The following TUB variants were observed in gnomAD, a reference collection of about 807,000 sequenced individuals.
TUB encodes tubby protein homolog.
A neutral mutation model predicts 59.7 loss-of-function variants in TUB; 33 were observed. The observed-to-expected ratio is 0.55, with a 90% CI of 0.42 to 0.74. The LOEUF is 0.74. Among genes scored for constraint, TUB ranks in the 30% least tolerant of loss-of-function variants. The pLI, the probability that TUB is intolerant of heterozygous loss-of-function variation, is 0.00. For synonymous variants in TUB, 293 were observed against 256.4 expected, an observed-to-expected ratio of 1.14 and a Z score of -1.36; for missense variants, 659 against 672.0, an observed-to-expected ratio of 0.98 and a Z score of 0.21.
chr11:8,099,969 A>AGCTGGAGAGCC (rs1463290960), intron 9 of TUB, among the ~76,000 whole-genome samples: 3 of 152,218 alleles, frequency 2.0e-5, no homozygotes, highest in Non-Finnish European at 4.4e-5. Flanking sequence ...ACTTGGAGTG[A>AGCTGGAGAGCC]GCTGGAGAGC....
chr11:8,058,537 A>G (rs567513364), intron 2 of TUB, among the ~76,000 whole-genome samples: 3 of 152,348 alleles, frequency 2.0e-5, no homozygotes, highest in Non-Finnish European at 2.9e-5. Context: ...AAAAAATACT[A>G]CTAATGCAGA....
At chr11:8,063,087 G>A (rs374972710) in intron 2 of TUB, among the ~76,000 whole-genome samples, 105 of 152,256 alleles carry the variant, frequency 6.9e-4, no homozygotes, top group African/African-American at 2.1e-3. Context: ...TGCTGAGGCC[G>A]GGGACCCTCA....
chr11:8,081,248 G>C lies in TUB; in HGVS notation c.-263G>C. On this transcript the variant is annotated 5_prime_UTR_variant, in exon 1 of 12. Coordinates refer to ENST00000299506, the MANE Select transcript of TUB (RefSeq NM_177972.3). ...GCGCCAGAGGGGCGCGGGACGGTGC[G>C]GTCGGCCTCCCCGCCTCCACGCGCG... 4.8e-6 allele frequency: 2 copies of C among 420,794 alleles called. No homozygotes were observed. The highest frequency in any genetic ancestry group is 6.4e-6 in the Non-Finnish European group (2 of 314,070). The allele number at this position is 420,794 out of a possible 1,614,324, so 26.1% of individuals were successfully genotyped here.
At position 8,039,143 on chromosome 11, in the gene TUB, G is replaced by A. The variant is rs1337342175; in HGVS notation, c.155+115G>A. The stretch of plus-strand genomic sequence containing the variant: ...GTCCCAAGGCCTCCCCTTCCTGATG[G>A]TGCTGCTCCCCTATCACCACGTGGA... On this transcript the variant is annotated intron_variant, in intron 1 of 12. Transcript: ENST00000305253. 3 of 1,325,100 alleles carry A rather than the reference G, an allele frequency of 2.3e-6. No homozygotes were observed. In the African/African-American group the frequency reaches 4.5e-5, roughly 20 times the overall value. The allele number at this position is 1,325,100 out of a possible 1,614,324, so 82.1% of individuals were successfully genotyped here. A position where few individuals can be genotyped will look rare whatever the true frequency, so the allele number is the denominator to read the frequency against.
chr11:8,066,728 GGA>G (rs2133787424), intron 2 of TUB, among the ~76,000 whole-genome samples: 1 of 152,296 alleles, frequency 6.6e-6, no homozygotes. Context: ...CTCACGTCTA[GGA>G]GAGGTGTAAT....
chr11:8,041,065 A>G (rs953324941), intron 2 of TUB, among the ~76,000 whole-genome samples: 3 of 152,222 alleles, frequency 2.0e-5, no homozygotes, highest in African/African-American at 7.2e-5. Flanking sequence ...GGGGCTTCTC[A>G]GGAGTGAGTA....
upstream of TUB, among the ~76,000 whole-genome samples, chr11:8,080,205 G>C (rs1232032345): frequency 6.6e-6 from 1 of 152,204 alleles, no homozygotes; most frequent in Non-Finnish European, 1.5e-5. Flanking sequence ...GGCGCGGTTG[G>C]CGCGGCAGAA....
At chr11:8,058,744 G>A (rs11041727) in intron 2 of TUB, among the ~76,000 whole-genome samples, 110,656 of 152,170 alleles carry the variant, frequency 0.73, 40,826 homozygotes, top group Middle Eastern at 0.76. Flanking sequence ...ATATCAAGCA[G>A]CATTAAGCTG....
At chr11:8,078,243 C>T (rs969215660), upstream of TUB, among the ~76,000 whole-genome samples, 1 of 152,054 alleles carries the variant, frequency 6.6e-6, no homozygotes, top group Non-Finnish European at 1.5e-5. Flanking sequence ...CATTTCATCA[C>T]CACGTTTGAA....
In TUB at chr11:8,101,854, ATG is replaced by A; in HGVS notation, c.*236_*237del. The A allele has an allele frequency of 1.5e-5, 7 of 468,410 alleles. No individual in the cohort carries two copies. Among genetic ancestry groups the A allele is most frequent in the South Asian group, 7.2e-5 (2 of 27,782 alleles). 29.0% of individuals were successfully genotyped at this position (468,410 alleles called of 1,614,324 possible). On this transcript the variant is annotated 3_prime_UTR_variant, in exon 12 of 12. Coordinates refer to ENST00000299506, the MANE Select transcript of TUB (RefSeq NM_177972.3). Reference sequence around the variant, plus strand: ...TGAAGGGATGAGAATAATTCTTTCCATGCCACGAGATCAACACACACTCCCAC... The same window carrying A: ...TGAAGGGATGAGAATAATTCTTTCCACCACGAGATCAACACACACTCCCAC...
chr11:8,069,122 G>A (rs921103651), intron 2 of TUB: 12 of 152,174 alleles, frequency 7.9e-5, no homozygotes, highest in Non-Finnish European at 1.8e-4. Context: ...CCTAGCCCAC[G>A]ATCACTCCAC....
intron 1 of TUB, among the ~76,000 whole-genome samples, chr11:8,085,802 C>T (rs1417469466): frequency 6.6e-6 from 1 of 152,180 alleles, no homozygotes; most frequent in Non-Finnish European, 1.5e-5. Context: ...AGAGGGAGTT[C>T]GGAAACAGGC....
chr11:8,101,753 G>A lies in TUB; in HGVS notation c.*134G>A, dbSNP rs1362141353. ...GCTTTGGCCCTCAGTGGGCTCCCTG[G>A]CCCAGCCAGCCAGGAACTGGCTCCT... On this transcript the variant is annotated 3_prime_UTR_variant, in exon 12 of 12. Transcript: ENST00000299506. 3 of 1,426,268 alleles carry A rather than the reference G, an allele frequency of 2.1e-6. No homozygotes were observed. Among genetic ancestry groups the A allele is most frequent in the African/African-American group, 2.9e-5 (2 of 69,734 alleles). The allele number at this position is 1,426,268 out of a possible 1,614,324, so 88.4% of individuals were successfully genotyped here. A position where few individuals can be genotyped will look rare whatever the true frequency, so the allele number is the denominator to read the frequency against.
At chr11:8,094,985 A>T (rs530466843) in intron 4 of TUB, among the ~76,000 whole-genome samples, 2 of 152,318 alleles carry the variant, frequency 1.3e-5, no homozygotes, top group Admixed American at 1.3e-4. Flanking sequence ...GTAGGATGGG[A>T]GATGCTCCAT....
upstream of TUB, among the ~76,000 whole-genome samples, chr11:8,078,588 A>G (rs774038254): frequency 2.6e-5 from 4 of 152,176 alleles, no homozygotes; most frequent in South Asian, 2.1e-4. Context: ...ATGCATTCTG[A>G]GTAGAATGTT....
At chr11:8,080,926 A>G (rs1213936621), upstream of TUB, among the ~76,000 whole-genome samples, 3 of 152,180 alleles carry the variant, frequency 2.0e-5, no homozygotes, top group Non-Finnish European at 4.4e-5. Flanking sequence ...CCCATCCCAT[A>G]GCGCAGATAG....
At chr11:8,042,130 C>A (rs1942761774) in intron 2 of TUB, among the ~76,000 whole-genome samples, 2 of 151,776 alleles carry the variant, frequency 1.3e-5, no homozygotes, top group Admixed American at 1.3e-4. Context: ...CAGTCTCCCC[C>A]TTTTCCTACA....
intron 1 of TUB, among the ~76,000 whole-genome samples, chr11:8,029,083 C>T (rs567437524): frequency 6.6e-6 from 1 of 151,836 alleles, no homozygotes; most frequent in Non-Finnish European, 1.5e-5. Flanking sequence ...TATTTCTGGA[C>T]TCTTGACTCT....
intron 7 of TUB, 67 bp downstream of exon 7, chr11:8,097,492 G>A (rs1944051547): frequency 4.4e-6 from 7 of 1,601,078 alleles, no homozygotes; most frequent in Admixed American, 3.4e-5. Flanking sequence ...GGGCTGAAAT[G>A]TGACTGGAAG....
Sources: gnomAD v4.1 joint callset for allele counts (sites outside exome capture counted in the v4.1 genomes callset) on GRCh38, gnomAD v4.1.1 for gene constraint, MANE v1.5 for transcripts, NCBI Gene and HGNC (gene_info 2026-07-23, HGNC 2026-07-21) for gene names.